Variants in NXPE4 observed in about 807,000 individuals in gnomAD.
NXPE4 encodes NXPE family member 4.
In NXPE4, 42 loss-of-function variants were observed where a neutral mutation model predicts 33.3. That is an observed-to-expected ratio of 1.26 (90% CI 0.98 to 1.63). The LOEUF (loss-of-function observed/expected upper bound fraction) is 1.63, where lower values mean the gene tolerates loss of function less well. NXPE4 is among the 40% of genes most tolerant of loss of function. NXPE4 has a pLI of 0.00. For synonymous variants in NXPE4, 253 were observed against 234.9 expected (o/e 1.08, Z -0.71); for missense variants, 709 against 647.6 (o/e 1.09, Z -1.03).
intron 2 of NXPE4, chr11:114,584,773 A>G (rs1022782396): frequency 1.3e-5 from 2 of 152,420 alleles, no homozygotes; most frequent in Non-Finnish European, 2.9e-5. Flanking sequence ...TATGTCTTCT[A>G]TTTCTCCAGG....
chr11:114,622,516 C>T, the NXPE4 span, among the ~76,000 whole-genome samples: 1 of 152,156 alleles, frequency 6.6e-6, no homozygotes, highest in Non-Finnish European at 1.5e-5. Context: ...TAATTATTGC[C>T]TCATGGGTAA....
the NXPE4 span, among the ~76,000 whole-genome samples, chr11:114,630,330 G>C: frequency 2.6e-5 from 4 of 151,680 alleles, no homozygotes; most frequent in African/African-American, 4.9e-5. Flanking sequence ...TAGAGATATA[G>C]ATCAATGGAA....
At chr11:114,628,204 C>T in the NXPE4 span, among the ~76,000 whole-genome samples, 1 of 144,348 alleles carries the variant, frequency 6.9e-6, no homozygotes, top group Admixed American at 7.0e-5. Flanking sequence ...CACCCCAAAT[C>T]AACAGAATAT....
the NXPE4 span, among the ~76,000 whole-genome samples, chr11:114,616,014 T>C: frequency 1.3e-5 from 2 of 151,678 alleles, no homozygotes; most frequent in Admixed American, 1.3e-4. Context: ...GGATAATAAG[T>C]ATTGCCTCGT....
At chr11:114,625,421 T>C in the NXPE4 span, among the ~76,000 whole-genome samples, 1 of 152,116 alleles carries the variant, frequency 6.6e-6, no homozygotes, top group Non-Finnish European at 1.5e-5. Flanking sequence ...GGGCAACCAC[T>C]TCTACCACAT....
At chr11:114,620,862 C>T in the NXPE4 span, among the ~76,000 whole-genome samples, 1 of 152,016 alleles carries the variant, frequency 6.6e-6, no homozygotes. Flanking sequence ...ACCACTGTTA[C>T]CCGATGGATA....
At chr11:114,587,721 G>C (rs1482486032) in intron 2 of NXPE4, among the ~76,000 whole-genome samples, 1 of 152,184 alleles carries the variant, frequency 6.6e-6, no homozygotes, top group Non-Finnish European at 1.5e-5. Context: ...CTTTCCAAAG[G>C]AAACGAAGGT....
chr11:114,624,776 C>G, the NXPE4 span, among the ~76,000 whole-genome samples: 31 of 152,158 alleles, frequency 2.0e-4, no homozygotes, highest in Non-Finnish European at 3.2e-4. Flanking sequence ...TAAGTATTGC[C>G]TCGTGGGTAA....
At chr11:114,662,103 T>G in the NXPE4 span, among the ~76,000 whole-genome samples, 3 of 152,114 alleles carry the variant, frequency 2.0e-5, 1 homozygote, top group South Asian at 4.2e-4. Context: ...AGTACCTCAT[T>G]TTAACTCCAT....
At chr11:114,583,297 C>T (rs765066721) in intron 2 of NXPE4, 19 of 638,736 alleles carry the variant, frequency 3.0e-5, no homozygotes, top group Admixed American at 6.5e-5. Flanking sequence ...GTTACTACTA[C>T]GATAGGGGTG....
the NXPE4 span, among the ~76,000 whole-genome samples, chr11:114,600,920 A>G: frequency 6.6e-6 from 1 of 152,046 alleles, no homozygotes; most frequent in Non-Finnish European, 1.5e-5. Context: ...ATGGGAAAAT[A>G]TAATATAGTT....
the NXPE4 span, among the ~76,000 whole-genome samples, chr11:114,660,282 T>C: frequency 6.6e-6 from 1 of 152,060 alleles, no homozygotes; most frequent in Admixed American, 6.6e-5. Context: ...AGAAGCACTT[T>C]GCAATTCATT....
chr11:114,572,955 G>A (rs1250140118), intron 5 of NXPE4, among the ~76,000 whole-genome samples: 1 of 152,132 alleles, frequency 6.6e-6, no homozygotes, highest in Non-Finnish European at 1.5e-5. Context: ...CTTAAGAGCT[G>A]TGAGGCAAAG....
At chr11:114,601,626 ATTATTTATAATTATAT>A in the NXPE4 span, among the ~76,000 whole-genome samples, 6 of 33,574 alleles carry the variant, frequency 1.8e-4, 1 homozygote, top group African/African-American at 5.4e-4. Context: ...TATATTATAT[ATTATTTATAATTATAT>A]ATAATTATAT....
the NXPE4 span, among the ~76,000 whole-genome samples, chr11:114,615,172 G>T: frequency 6.6e-6 from 1 of 151,638 alleles, no homozygotes; most frequent in African/African-American, 2.4e-5. Context: ...CAGGTGGATA[G>T]TAAGTATTCC....
At chr11:114,671,250 C>T in the NXPE4 span, among the ~76,000 whole-genome samples, 1 of 150,754 alleles carries the variant, frequency 6.6e-6, no homozygotes, top group African/African-American at 2.4e-5. Context: ...GTCTAGAGAA[C>T]AGAGAGAAAA....
chr11:114,620,053 A>G, the NXPE4 span, among the ~76,000 whole-genome samples: 1 of 152,056 alleles, frequency 6.6e-6, no homozygotes, highest in Non-Finnish European at 1.5e-5. Context: ...CTCGTGGGTA[A>G]CCACTGTTAC....
intron 5 of NXPE4, among the ~76,000 whole-genome samples, chr11:114,573,044 T>C (rs1042864961): frequency 5.3e-5 from 8 of 152,186 alleles, no homozygotes; most frequent in African/African-American, 1.7e-4. Flanking sequence ...CTAGAAGGGA[T>C]TGGGGTTCTA....
the NXPE4 span, among the ~76,000 whole-genome samples, chr11:114,638,333 C>T: frequency 1.3e-5 from 2 of 151,968 alleles, no homozygotes; most frequent in African/African-American, 4.8e-5. Context: ...TTAAGCACTT[C>T]TCTGTATTGG....
Sources: allele counts gnomAD v4.1 joint callset (sites outside exome capture counted in the v4.1 genomes callset), GRCh38; gene constraint gnomAD v4.1.1; transcripts MANE v1.5; gene names NCBI Gene and HGNC (gene_info 2026-07-23, HGNC 2026-07-21).